Variants in BMPR1B observed in about 807,000 individuals in gnomAD.
BMPR1B encodes the protein bone morphogenetic protein receptor type-1B.
BMPR1B carries 12 observed loss-of-function variants against 59.1 expected under a neutral mutation model. The ratio of observed to expected loss-of-function variants is 0.20; its 90% CI spans 0.13 to 0.33. The LOEUF is 0.33. Ranked by LOEUF, BMPR1B falls within the 10% of genes least tolerant of loss-of-function variation. The pLI, the probability that BMPR1B is intolerant of heterozygous loss-of-function variation, is 1.00. For missense variants in BMPR1B, 550 were observed against 610.9 expected, an observed-to-expected ratio of 0.90 and a Z score of 1.05; for synonymous variants, 237 against 207.3, an observed-to-expected ratio of 1.14 and a Z score of -1.23.
chr4:94,974,267 C>T (rs1285119442), intron 2 of BMPR1B, among the ~76,000 whole-genome samples: 1 of 152,094 alleles, frequency 6.6e-6, no homozygotes, highest in African/African-American at 2.4e-5. Context: ...TTAACACTTT[C>T]TTCTATTTCT....
At chr4:94,954,681 T>A (rs1160855948) in intron 2 of BMPR1B, among the ~76,000 whole-genome samples, 1 of 152,234 alleles carries the variant, frequency 6.6e-6, no homozygotes, top group African/African-American at 2.4e-5. Flanking sequence ...AGCTGTATGA[T>A]CATATTTATA....
chr4:94,866,582 TTTTGTTTGTATG>T (rs1232362984), intron 1 of BMPR1B, among the ~76,000 whole-genome samples: 1 of 152,002 alleles, frequency 6.6e-6, no homozygotes, highest in Admixed American at 6.6e-5. Context: ...GCTTTTTTGT[TTTTGTTTGTATG>T]TTTGTTTTTG....
At chr4:94,871,304 T>C (rs879652611) in intron 1 of BMPR1B, among the ~76,000 whole-genome samples, 7 of 152,188 alleles carry the variant, frequency 4.6e-5, no homozygotes, top group East Asian at 3.9e-4. Flanking sequence ...AAGTAAGATA[T>C]TAGTCTTGGT....
chr4:95,152,502 T>C (rs1411551766), intron 11 of BMPR1B, 141 bp from the exon 12 acceptor site: 2 of 652,128 alleles, frequency 3.1e-6, no homozygotes, highest in East Asian at 6.4e-5. Flanking sequence ...TAAATATTTT[T>C]CAAGATTTAT....
chr4:94,941,286 G>A (rs1365820891), intron 2 of BMPR1B, among the ~76,000 whole-genome samples: 1 of 86,292 alleles, frequency 1.2e-5, no homozygotes, highest in African/African-American at 3.8e-5. Context: ...AAAAAAATTA[G>A]TGGGGCATGG....
chr4:95,047,611 C>A (rs960183899), intron 3 of BMPR1B, among the ~76,000 whole-genome samples: 1 of 152,170 alleles, frequency 6.6e-6, no homozygotes, highest in Admixed American at 6.5e-5. Context: ...CCTTTTCATA[C>A]TGTACTCCTT....
intron 3 of BMPR1B, among the ~76,000 whole-genome samples, chr4:95,088,487 G>A (rs1466188565): frequency 2.0e-5 from 3 of 152,098 alleles, no homozygotes; most frequent in African/African-American, 7.2e-5. Flanking sequence ...TAAGACTGGG[G>A]CAAAGAACTT....
intron 1 of BMPR1B, among the ~76,000 whole-genome samples, chr4:94,848,545 A>T (rs1725433313): frequency 6.6e-6 from 1 of 152,212 alleles, no homozygotes; most frequent in Non-Finnish European, 1.5e-5. Flanking sequence ...TAAGAGGGAG[A>T]TCAGAGAGGT....
At chr4:95,071,659 T>C (rs1254186878) in intron 3 of BMPR1B, among the ~76,000 whole-genome samples, 1 of 137,928 alleles carries the variant, frequency 7.3e-6, no homozygotes, top group Non-Finnish European at 1.6e-5. Flanking sequence ...TGTGTATATA[T>C]ATATATATAT....
intron 2 of BMPR1B, among the ~76,000 whole-genome samples, chr4:94,960,312 T>G (rs1157029877): frequency 1.3e-5 from 2 of 152,136 alleles, no homozygotes; most frequent in African/African-American, 4.8e-5. Context: ...ATAAATCTCC[T>G]GTATACTAGA....
At chr4:94,984,779 T>C (rs1721300098) in intron 2 of BMPR1B, among the ~76,000 whole-genome samples, 1 of 152,234 alleles carries the variant, frequency 6.6e-6, no homozygotes, top group Non-Finnish European at 1.5e-5. Flanking sequence ...GCCTGGAAAC[T>C]GGTGTGCGCT....
chr4:95,118,503 G>C (rs1025707952), intron 6 of BMPR1B, among the ~76,000 whole-genome samples: 1 of 152,196 alleles, frequency 6.6e-6, no homozygotes, highest in East Asian at 1.9e-4. Context: ...AGAGGTGATA[G>C]TAGTGACAGA....
chr4:94,865,116 TCTC>T (rs1302279049), intron 1 of BMPR1B, among the ~76,000 whole-genome samples: 6 of 151,864 alleles, frequency 4.0e-5, no homozygotes, highest in African/African-American at 1.2e-4. Context: ...TTCAAGCAAT[TCTC>T]CTGCCTCAGC....
intron 3 of BMPR1B, among the ~76,000 whole-genome samples, chr4:95,089,134 TG>T (rs1729800672): frequency 1.3e-5 from 2 of 152,306 alleles, no homozygotes; most frequent in East Asian, 3.9e-4. Flanking sequence ...TAACTCACTC[TG>T]ATAATGAAAT....
intron 3 of BMPR1B, among the ~76,000 whole-genome samples, chr4:95,096,825 T>G (rs1032525331): frequency 1.4e-5 from 2 of 141,076 alleles, no homozygotes; most frequent in Non-Finnish European, 3.0e-5. Flanking sequence ...TAAATATATT[T>G]ATATTTATAT....
intron 2 of BMPR1B, among the ~76,000 whole-genome samples, chr4:94,931,001 CTT>C (rs1450459658): frequency 6.6e-6 from 1 of 152,050 alleles, no homozygotes; most frequent in Non-Finnish European, 1.5e-5. Context: ...CTGGACATCT[CTT>C]TGGCTGGCTA....
At chr4:95,043,035 C>T (rs906709492) in intron 3 of BMPR1B, among the ~76,000 whole-genome samples, 11 of 150,418 alleles carry the variant, frequency 7.3e-5, no homozygotes, top group South Asian at 2.1e-4. Context: ...ATTAGCCGGG[C>T]GCGGTGGCGG....
intron 3 of BMPR1B, among the ~76,000 whole-genome samples, chr4:95,039,775 T>C (rs534681847): frequency 1.3e-5 from 2 of 152,274 alleles, no homozygotes; most frequent in South Asian, 4.1e-4. Flanking sequence ...TGCAATTTTT[T>C]TTAGCTCATC....
intron 3 of BMPR1B, among the ~76,000 whole-genome samples, chr4:95,081,500 T>C (rs1729135926): frequency 6.6e-6 from 1 of 152,184 alleles, no homozygotes; most frequent in Admixed American, 6.5e-5. Context: ...AGTTAGGATT[T>C]TGTGAAGCTT....
Sources: allele counts gnomAD v4.1 joint callset (sites outside exome capture counted in the v4.1 genomes callset), GRCh38; gene constraint gnomAD v4.1.1; transcripts MANE v1.5; gene names NCBI Gene and HGNC (gene_info 2026-07-23, HGNC 2026-07-21).